The following DLG2 variants were observed in gnomAD, a reference collection of about 807,000 sequenced individuals.
DLG2 encodes the protein discs large MAGUK scaffold protein 2.
DLG2 carries 45 observed loss-of-function variants against 132.5 expected under a neutral mutation model. That is an observed-to-expected ratio of 0.34 (90% CI 0.27 to 0.44). The LOEUF (loss-of-function observed/expected upper bound fraction) is 0.44, where lower values mean the gene tolerates loss of function less well. Among genes scored for constraint, DLG2 ranks in the 20% least tolerant of loss-of-function variants. DLG2 has a pLI of 1.00. For synonymous variants in DLG2, 424 were observed against 419.6 expected (o/e 1.01, Z -0.13); for missense variants, 1,045 against 1,196.9 (o/e 0.87, Z 1.87).
chr11:84,209,383 G>A lies in DLG2; in HGVS notation c.573+41855C>T, dbSNP rs188306644. Among the ~76,000 whole-genome samples the A allele has an allele frequency of 3.9e-5, 6 of 152,210 alleles. No individual in the cohort carries two copies. In the East Asian group the frequency reaches 9.7e-4, roughly 25 times the overall value. ...GTAACATGACAAATGAATGCAATGC[G>A]GAATCTCGGACTGAATTCCAGAAGA... On this transcript the variant is annotated intron_variant, in intron 8 of 27. Transcript: ENST00000376104.
chr11:84,666,516 T>A (rs543701803), intron 6 of DLG2, among the ~76,000 whole-genome samples: 2 of 152,074 alleles, frequency 1.3e-5, no homozygotes, highest in Non-Finnish European at 2.9e-5. Flanking sequence ...ACACCCCATA[T>A]TGGTTCTGTT....
chr11:84,248,916 G>C (rs1248612106), intron 8 of DLG2, among the ~76,000 whole-genome samples: 1 of 152,056 alleles, frequency 6.6e-6, no homozygotes, highest in Non-Finnish European at 1.5e-5. Flanking sequence ...ATTTTTGAAG[G>C]ACTCAAAGTC....
At chr11:84,944,614 T>C (rs1186536722) in intron 6 of DLG2, among the ~76,000 whole-genome samples, 1 of 150,356 alleles carries the variant, frequency 6.7e-6, no homozygotes, top group Non-Finnish European at 1.5e-5. Flanking sequence ...AATTTTTTTT[T>C]TTTTTTTTGA....
intron 15 of DLG2, among the ~76,000 whole-genome samples, chr11:83,903,381 G>T (rs927421455): frequency 6.6e-6 from 1 of 152,192 alleles, no homozygotes; most frequent in African/African-American, 2.4e-5. Flanking sequence ...TATGTACAGA[G>T]CTTCATCTGA....
chr11:84,525,777 A>G (rs1258033896), intron 7 of DLG2, among the ~76,000 whole-genome samples: 2 of 152,146 alleles, frequency 1.3e-5, no homozygotes, highest in Non-Finnish European at 1.5e-5. Flanking sequence ...CTCTTGCTTT[A>G]TGGGATGTTT....
chr11:83,836,397 A>G (rs937220108), intron 16 of DLG2, among the ~76,000 whole-genome samples: 3 of 152,128 alleles, frequency 2.0e-5, no homozygotes, highest in Non-Finnish European at 4.4e-5. Context: ...CTGGCCATCA[A>G]CTGGGGCCTC....
At chr11:84,618,511 A>G (rs1320957221) in intron 6 of DLG2, among the ~76,000 whole-genome samples, 1 of 152,064 alleles carries the variant, frequency 6.6e-6, no homozygotes, top group Non-Finnish European at 1.5e-5. Flanking sequence ...TAAAACCAGA[A>G]AAGTGGGCTG....
chr11:85,007,496 T>TA lies in DLG2; in HGVS notation c.357+104164dup, dbSNP rs547197336. Reference sequence around the variant, plus strand: ...TAACACGGTGAAACCCCATCTCTACTAAAAAAAAACACAAAAAAAATTAGC... The same window carrying TA: ...TAACACGGTGAAACCCCATCTCTACTAAAAAAAAAACACAAAAAAAATTAGC... On this transcript the variant is annotated intron_variant, in intron 6 of 27. Coordinates refer to ENST00000376104, the MANE Select transcript of DLG2 (RefSeq NM_001142699.3). 1.0e-3 allele frequency among the ~76,000 whole-genome samples: 154 copies of TA among 147,760 alleles called. 1 individual carries two copies. Among genetic ancestry groups the TA allele is most frequent in the African/African-American group, 1.1e-3 (46 of 40,336 alleles).
chr11:85,493,647 G>A (rs140420054), intron 3 of DLG2, among the ~76,000 whole-genome samples: 22 of 150,794 alleles, frequency 1.5e-4, no homozygotes, highest in African/African-American at 5.1e-4. Flanking sequence ...TGCAGCCTGG[G>A]CAACAGAGCA....
chr11:84,895,037 G>GTGT (rs2089998626), intron 6 of DLG2, among the ~76,000 whole-genome samples: 1 of 151,878 alleles, frequency 6.6e-6, no homozygotes, highest in Admixed American at 6.6e-5. Flanking sequence ...GTATGACATT[G>GTGT]GATAAGCCAC....
At chr11:84,225,801 CT>C (rs563183713) in intron 8 of DLG2, among the ~76,000 whole-genome samples, 5,723 of 144,222 alleles carry the variant, frequency 0.04, 108 homozygotes, top group South Asian at 0.079. Context: ...TTTCTTTTGT[CT>C]TTTTTTTTTT....
At chr11:83,849,588 G>A (rs2059281078) in intron 16 of DLG2, among the ~76,000 whole-genome samples, 1 of 151,812 alleles carries the variant, frequency 6.6e-6, no homozygotes, top group African/African-American at 2.4e-5. Flanking sequence ...TTTCTAGATG[G>A]GGGTCTATGG....
chr11:84,630,610 G>A (rs2099629885), intron 6 of DLG2, among the ~76,000 whole-genome samples: 1 of 152,128 alleles, frequency 6.6e-6, no homozygotes, highest in African/African-American at 2.4e-5. Context: ...AGTCTTTAAT[G>A]TGCATTGACA....
At chr11:85,418,176 A>G (rs1238183154) in intron 3 of DLG2, among the ~76,000 whole-genome samples, 1 of 152,034 alleles carries the variant, frequency 6.6e-6, no homozygotes, top group Admixed American at 6.5e-5. Context: ...GAACTTATTT[A>G]TTTCTGCCTT....
At chr11:85,301,740 TATAAGA>T (rs1448873453) in intron 3 of DLG2, among the ~76,000 whole-genome samples, 1 of 152,124 alleles carries the variant, frequency 6.6e-6, no homozygotes. Context: ...GACCTAGAAG[TATAAGA>T]ATAAGTCTCT....
intron 6 of DLG2, among the ~76,000 whole-genome samples, chr11:84,605,843 C>A (rs7114098): frequency 0.2 from 30,212 of 151,922 alleles, 3,535 homozygotes; most frequent in African/African-American, 0.33. Context: ...TTTCATTATA[C>A]TTTTCTTTCC....
intron 3 of DLG2, among the ~76,000 whole-genome samples, chr11:85,517,982 CT>C (rs1457249641): frequency 6.6e-6 from 1 of 152,182 alleles, no homozygotes; most frequent in Non-Finnish European, 1.5e-5. Context: ...TAAGATGTGA[CT>C]TGCTCCTCCT....
At chr11:83,871,511 G>A (rs1476697417) in intron 16 of DLG2, among the ~76,000 whole-genome samples, 2 of 152,304 alleles carry the variant, frequency 1.3e-5, no homozygotes, top group Middle Eastern at 3.4e-3. Flanking sequence ...TTAGGAAGGA[G>A]AGTTTTCAAA....
intron 21 of DLG2, among the ~76,000 whole-genome samples, chr11:83,489,587 A>C (rs79375279): frequency 6.6e-6 from 1 of 152,014 alleles, no homozygotes; most frequent in Non-Finnish European, 1.5e-5. Flanking sequence ...CTAATTGTCA[A>C]TTTTTATGTG....
Sources: allele counts gnomAD v4.1 joint callset (sites outside exome capture counted in the v4.1 genomes callset), GRCh38; gene constraint gnomAD v4.1.1; transcripts MANE v1.5; gene names NCBI Gene and HGNC (gene_info 2026-07-23, HGNC 2026-07-21).